The following IKZF3 variants were observed in gnomAD, a reference collection of about 807,000 sequenced individuals.
The protein encoded by IKZF3 is IKAROS family zinc finger 3, also known as zinc finger protein Aiolos.
In IKZF3, 10 loss-of-function variants were observed where a neutral mutation model predicts 49.0. The observed-to-expected ratio is 0.20, with a 90% CI of 0.13 to 0.35. The LOEUF (loss-of-function observed/expected upper bound fraction) is 0.35, where lower values mean the gene tolerates loss of function less well. IKZF3 is among the 10% of genes least tolerant of loss of function. The pLI is 1.00. For missense variants in IKZF3, 498 were observed against 664.8 expected, an observed-to-expected ratio of 0.75 and a Z score of 2.76; for synonymous variants, 209 against 228.2, an observed-to-expected ratio of 0.92 and a Z score of 0.76.
chr17:39,839,387 T>C, intron 1 of IKZF3: 2 of 602,410 alleles, frequency 3.3e-6, no homozygotes, highest in Admixed American at 4.2e-5. Flanking sequence ...TCAGCTTGGT[T>C]CTTTTCCAAT....
rs2060189521 is a variant in IKZF3 at position 39,761,757 on chromosome 17, T to A, written c.*4033A>T. 6.6e-6 allele frequency: 1 copy of A among 152,326 alleles called. No homozygotes were observed. The highest frequency in any genetic ancestry group is 2.1e-4 in the South Asian group (1 of 4,836). The allele number at this position is 152,326 out of a possible 1,614,324, so 9.4% of individuals were successfully genotyped here. ...TTCGCTCTTGTTGCCGAGGCTGGAG[T>A]GCAGTGGTGCCATCTCGGCTCACCG... On this transcript the variant is annotated 3_prime_UTR_variant, in exon 8 of 8. Transcript: ENST00000346872.
rs2060965985 is a variant in IKZF3 at position 39,789,719 on chromosome 17, C to G, written c.593-1345G>C. On this transcript the variant is annotated intron_variant, in intron 5 of 7. Coordinates refer to ENST00000346872, the MANE Select transcript of IKZF3 (RefSeq NM_012481.5). ...CTCCAGCCTGGGTGACAGAGTGAGA[C>G]ACCATCTCAAACAAACAAACAAACA... 2.0e-5 allele frequency among the ~76,000 whole-genome samples: 3 copies of G among 147,738 alleles called. No homozygotes were observed. The South Asian group carries it at 6.4e-4, about 31-fold the overall frequency.
rs775825971 is a variant in IKZF3, at chr17:39,791,523, A to C, written c.485T>G (p.Leu162Arg). Residue 162 changes from leucine (L) to arginine (R), a missense_variant, in exon 5 of 8, where the codon CTC becomes CGC. Leu to Arg is a moderately radical substitution (Grantham distance 102). Transcript: ENST00000346872. ...CCCTGTGTGCAGTTTAATGTGGCGGAGGAGGTTACCTTTCTGAGTAAAAGA... is the reference window on the plus strand; with the variant it reads ...CCCTGTGTGCAGTTTAATGTGGCGGCGGAGGTTACCTTTCTGAGTAAAAGA... The part of the protein sequence containing the change: ...GASFTQKGNL[L>R]RHIKLHTGEK... 2.5e-6 allele frequency: 4 copies of C among 1,614,040 alleles called. No individual in the cohort carries two copies. The highest frequency in any genetic ancestry group is 1.7e-6 in the Non-Finnish European group (2 of 1,179,970).
At chr17:39,860,522 G>A (rs2063186997) in intron 1 of IKZF3, among the ~76,000 whole-genome samples, 1 of 152,102 alleles carries the variant, frequency 6.6e-6, no homozygotes, top group East Asian at 1.9e-4. Context: ...TTAAAATTTG[G>A]CTTTACACAA....
intron 3 of IKZF3, among the ~76,000 whole-genome samples, chr17:39,797,478 A>G (rs1399228059): frequency 1.4e-4 from 21 of 148,962 alleles, no homozygotes; most frequent in Admixed American, 5.4e-4. Context: ...GCTAGAGTAC[A>G]GTGGTGCGAT....
At chr17:39,813,654 G>A (rs2144124478) in intron 3 of IKZF3, among the ~76,000 whole-genome samples, 1 of 152,052 alleles carries the variant, frequency 6.6e-6, no homozygotes, top group South Asian at 2.1e-4. Context: ...AAAAGATTCA[G>A]GGAGAGATGT....
At chr17:39,815,031 G>C (rs906394664) in intron 3 of IKZF3, among the ~76,000 whole-genome samples, 43 of 152,126 alleles carry the variant, frequency 2.8e-4, no homozygotes, top group African/African-American at 1.0e-3. Flanking sequence ...AGTGGATGAT[G>C]GGGGCTGCTG....
At chr17:39,779,421 A>C (rs2060672843) in intron 6 of IKZF3, among the ~76,000 whole-genome samples, 1 of 152,166 alleles carries the variant, frequency 6.6e-6, no homozygotes, top group Non-Finnish European at 1.5e-5. Flanking sequence ...AGATTGAGCC[A>C]TTGCACTCCA....
At chr17:39,774,966 A>G (rs568651120) in intron 7 of IKZF3, among the ~76,000 whole-genome samples, 1 of 152,288 alleles carries the variant, frequency 6.6e-6, no homozygotes, top group East Asian at 1.9e-4. Flanking sequence ...TGGTATCAAT[A>G]ATTGCTGCCT....
chr17:39,834,628 G>A (rs989858657), intron 1 of IKZF3, among the ~76,000 whole-genome samples: 1 of 152,174 alleles, frequency 6.6e-6, no homozygotes, highest in African/African-American at 2.4e-5. Flanking sequence ...CCTTTTAAAA[G>A]TATTAAGACT....
At chr17:39,786,307 G>A (rs1195980869) in intron 6 of IKZF3, among the ~76,000 whole-genome samples, 2 of 152,138 alleles carry the variant, frequency 1.3e-5, no homozygotes, top group Admixed American at 6.5e-5. Context: ...AATTTTGGGC[G>A]AGTCTCAGTC....
At chr17:39,817,515 A>G (rs2061703612) in intron 3 of IKZF3, among the ~76,000 whole-genome samples, 1 of 152,084 alleles carries the variant, frequency 6.6e-6, no homozygotes, top group Non-Finnish European at 1.5e-5. Context: ...CATGATGCAC[A>G]ACAGCTTCAA....
At chr17:39,778,309 C>CT (rs369153206) in intron 6 of IKZF3, 8,370 of 348,338 alleles carry the variant, frequency 0.024, no homozygotes, top group Middle Eastern at 0.031. Flanking sequence ...TTTTCTTTTT[C>CT]TTTTTTTTTT....
chr17:39,770,514 A>G (rs184058586), intron 7 of IKZF3, among the ~76,000 whole-genome samples: 1 of 152,186 alleles, frequency 6.6e-6, no homozygotes, highest in East Asian at 1.9e-4. Flanking sequence ...GTGAGGACAT[A>G]TGGTTGTTGG....
intron 1 of IKZF3, among the ~76,000 whole-genome samples, chr17:39,859,359 C>A (rs1321086117): frequency 6.6e-6 from 1 of 150,436 alleles, no homozygotes; most frequent in East Asian, 1.9e-4. Flanking sequence ...ATCCAAAAGG[C>A]CTTGGTGTCA....
At chr17:39,770,946 C>T (rs1296535753) in intron 7 of IKZF3, among the ~76,000 whole-genome samples, 5 of 151,968 alleles carry the variant, frequency 3.3e-5, no homozygotes, top group Non-Finnish European at 5.9e-5. Context: ...TCTGGGACTA[C>T]AGGCACGTGC....
At chr17:39,790,662 A>G (rs1412982340) in intron 5 of IKZF3, among the ~76,000 whole-genome samples, 1 of 152,062 alleles carries the variant, frequency 6.6e-6, no homozygotes, top group African/African-American at 2.4e-5. Context: ...CTAAATCTTG[A>G]AAAAAAAGTA....
chr17:39,785,348 A>G (rs1314074518), intron 6 of IKZF3, among the ~76,000 whole-genome samples: 3 of 151,396 alleles, frequency 2.0e-5, no homozygotes, highest in African/African-American at 4.8e-5. Context: ...TATTTGTTTG[A>G]AAAAAAAATC....
At chr17:39,858,978 A>G (rs2063144113) in intron 1 of IKZF3, among the ~76,000 whole-genome samples, 1 of 151,532 alleles carries the variant, frequency 6.6e-6, no homozygotes, top group Non-Finnish European at 1.5e-5. Flanking sequence ...CTTTTATTTT[A>G]TTATTATTTT....
Sources: allele counts gnomAD v4.1 joint callset (sites outside exome capture counted in the v4.1 genomes callset), GRCh38; gene constraint gnomAD v4.1.1; transcripts MANE v1.5; gene names NCBI Gene and HGNC (gene_info 2026-07-23, HGNC 2026-07-21).